The following UVRAG variants were observed in gnomAD, a reference collection of about 807,000 sequenced individuals.
The protein encoded by UVRAG is UV radiation resistance-associated gene protein.
UVRAG carries 19 observed loss-of-function variants against 78.0 expected under a neutral mutation model. That is an observed-to-expected ratio of 0.24 (90% CI 0.17 to 0.36). UVRAG has a LOEUF of 0.36. Ranked by LOEUF, UVRAG falls within the 10% of genes least tolerant of loss-of-function variation. UVRAG has a pLI of 1.00. For missense variants in UVRAG, 740 were observed against 853.8 expected, an observed-to-expected ratio of 0.87 and a Z score of 1.66; for synonymous variants, 323 against 324.6, an observed-to-expected ratio of 1.00 and a Z score of 0.05.
chr11:76,082,226 C>T (rs1951508291), intron 13 of UVRAG, among the ~76,000 whole-genome samples: 1 of 152,014 alleles, frequency 6.6e-6, no homozygotes, highest in African/African-American at 2.4e-5. Context: ...TTTCTATATG[C>T]ATATTATATC....
chr11:75,845,596 C>T (rs1034955572), intron 1 of UVRAG, among the ~76,000 whole-genome samples: 1 of 152,188 alleles, frequency 6.6e-6, no homozygotes, highest in Non-Finnish European at 1.5e-5. Context: ...CCAAAAACTT[C>T]ATGTTCTCCC....
chr11:76,040,679 C>T (rs1005827186), intron 12 of UVRAG, among the ~76,000 whole-genome samples: 1 of 151,908 alleles, frequency 6.6e-6, no homozygotes, highest in African/African-American at 2.4e-5. Flanking sequence ...CCTCAGCCTC[C>T]CGAGTAGCTG....
chr11:75,914,339 T>C (rs1313658139), intron 6 of UVRAG: 3 of 152,234 alleles, frequency 2.0e-5, no homozygotes, highest in African/African-American at 7.2e-5. Flanking sequence ...TTTTAAAAAA[T>C]ATATCTTTTC....
At position 75,815,440 on chromosome 11, in the gene UVRAG, C is replaced by G; in HGVS notation, c.33C>G (p.Val11=). Residue 11 remains valine (V), a synonymous_variant, in exon 1 of 15, where the codon GTC becomes GTG. Transcript: ENST00000356136. MSASASVGGP[V]PQPPPGPAAA... ...CCTCCGCGTCGGTCGGGGGCCCCGT[C>G]CCCCAGCCACCCCCGGGCCCGGCCG... The G allele has an allele frequency of 8.0e-7, 1 of 1,247,578 alleles. No individual in the cohort carries two copies. The highest frequency in any genetic ancestry group is 1.0e-6 in the Non-Finnish European group (1 of 995,348). The allele number at this position is 1,247,578 out of a possible 1,614,324, so 77.3% of individuals were successfully genotyped here.
At chr11:75,847,461 G>T (rs1946060481) in intron 1 of UVRAG, among the ~76,000 whole-genome samples, 1 of 151,346 alleles carries the variant, frequency 6.6e-6, no homozygotes, top group African/African-American at 2.4e-5. Flanking sequence ...TAGAGATAGG[G>T]TCTCACTATG....
chr11:75,949,219 G>C (rs1948638497), intron 6 of UVRAG, among the ~76,000 whole-genome samples: 1 of 152,014 alleles, frequency 6.6e-6, no homozygotes, highest in Admixed American at 6.5e-5. Context: ...TTGATGGGCT[G>C]TTCCTTTAAC....
At chr11:75,863,315 C>T (rs1026282561) in intron 3 of UVRAG, among the ~76,000 whole-genome samples, 3 of 152,162 alleles carry the variant, frequency 2.0e-5, no homozygotes, top group African/African-American at 7.2e-5. Flanking sequence ...CCTCTCCTTG[C>T]TCAGGTGGAA....
At chr11:76,045,769 A>G (rs1246421899) in intron 12 of UVRAG, among the ~76,000 whole-genome samples, 1 of 152,028 alleles carries the variant, frequency 6.6e-6, no homozygotes, top group Non-Finnish European at 1.5e-5. Context: ...ATTTCCTCAA[A>G]TATTTGATGA....
intron 13 of UVRAG, among the ~76,000 whole-genome samples, chr11:76,093,003 A>G (rs984796123): frequency 6.6e-6 from 1 of 152,082 alleles, no homozygotes; most frequent in African/African-American, 2.4e-5. Flanking sequence ...ATCTTGAATT[A>G]ATTTTTGTAT....
At chr11:76,080,499 T>C (rs991484642) in intron 13 of UVRAG, among the ~76,000 whole-genome samples, 6 of 151,804 alleles carry the variant, frequency 4.0e-5, no homozygotes, top group African/African-American at 1.5e-4. Flanking sequence ...GCTTTTATAA[T>C]AGAATATATA....
At chr11:75,839,471 A>ATGTG (rs34249186) in intron 1 of UVRAG, among the ~76,000 whole-genome samples, 42 of 151,360 alleles carry the variant, frequency 2.8e-4, no homozygotes, top group African/African-American at 9.0e-4. Context: ...AAGGCATAGG[A>ATGTG]TGTGTGTGTG....
intron 1 of UVRAG, among the ~76,000 whole-genome samples, chr11:75,834,756 G>T (rs1438328669): frequency 3.9e-5 from 6 of 152,104 alleles, no homozygotes; most frequent in African/African-American, 1.4e-4. Flanking sequence ...GGAGGTTGTG[G>T]TGAGCCGGGA....
intron 2 of UVRAG, among the ~76,000 whole-genome samples, chr11:75,855,980 ATTTTTATTTTTTAT>A (rs940101167): frequency 1.3e-5 from 2 of 152,068 alleles, no homozygotes; most frequent in Non-Finnish European, 2.9e-5. Context: ...AAAATTGGAA[ATTTTTATTTTTTAT>A]TTTTTATTTT....
chr11:76,097,569 C>T (rs1459303515), intron 13 of UVRAG, among the ~76,000 whole-genome samples: 1 of 152,084 alleles, frequency 6.6e-6, no homozygotes, highest in Non-Finnish European at 1.5e-5. Context: ...TTAATGTGTT[C>T]TTTACTCGTT....
chr11:75,843,509 A>T (rs1448070209), intron 1 of UVRAG, among the ~76,000 whole-genome samples: 1 of 152,144 alleles, frequency 6.6e-6, no homozygotes, highest in Admixed American at 6.5e-5. Context: ...GTATAGTTTG[A>T]TCCAGGCTTG....
At chr11:75,866,516 C>A (rs967125942) in intron 3 of UVRAG, among the ~76,000 whole-genome samples, 4 of 152,042 alleles carry the variant, frequency 2.6e-5, no homozygotes, top group African/African-American at 9.7e-5. Context: ...CCACTGCACT[C>A]CAGCTTGGGC....
chr11:75,971,799 C>T (rs1351570508), intron 7 of UVRAG, among the ~76,000 whole-genome samples: 2 of 152,094 alleles, frequency 1.3e-5, no homozygotes. Flanking sequence ...GATTTTCCTC[C>T]CTCAGCCTCC....
intron 5 of UVRAG, among the ~76,000 whole-genome samples, chr11:75,894,655 C>G (rs926915641): frequency 2.0e-5 from 3 of 151,786 alleles, no homozygotes; most frequent in Admixed American, 6.6e-5. Flanking sequence ...CCGTCCTCCT[C>G]AGCCTCCCAA....
intron 1 of UVRAG, among the ~76,000 whole-genome samples, chr11:75,836,289 A>G (rs1415591781): frequency 6.6e-6 from 1 of 152,168 alleles, no homozygotes; most frequent in African/African-American, 2.4e-5. Context: ...GGTAATTCAT[A>G]TAGACATTTT....
Sources: allele counts gnomAD v4.1 joint callset (sites outside exome capture counted in the v4.1 genomes callset), GRCh38; gene constraint gnomAD v4.1.1; transcripts MANE v1.5; gene names NCBI Gene and HGNC (gene_info 2026-07-23, HGNC 2026-07-21).